Variants in DYM observed in about 807,000 individuals in gnomAD.
The protein encoded by DYM is dymeclin.
Under a neutral mutation model 93.1 loss-of-function variants are expected in DYM, and 78 were observed. The ratio of observed to expected loss-of-function variants is 0.84; its 90% CI spans 0.70 to 1.01. DYM has a LOEUF of 1.01. Ranked by LOEUF, DYM falls within the 50% of genes least tolerant of loss-of-function variation. The pLI is 0.00. For synonymous variants in DYM, 321 were observed against 319.7 expected (o/e 1.00, Z -0.04); for missense variants, 789 against 845.0 (o/e 0.93, Z 0.82).
At chr18:49,080,678 G>C (rs1192528086) in intron 17 of DYM, among the ~76,000 whole-genome samples, 2 of 147,046 alleles carry the variant, frequency 1.4e-5, no homozygotes, top group East Asian at 2.1e-4. Flanking sequence ...GGCGGCTGCC[G>C]GGCAGAGACG....
intron 15 of DYM, among the ~76,000 whole-genome samples, chr18:49,126,685 G>C (rs1419802154): frequency 6.6e-6 from 1 of 151,910 alleles, no homozygotes; most frequent in Non-Finnish European, 1.5e-5. Flanking sequence ...TTTAAATGAG[G>C]CAGCATTTGT....
At chr18:49,147,479 A>T (rs1374965562) in intron 15 of DYM, among the ~76,000 whole-genome samples, 6 of 152,200 alleles carry the variant, frequency 3.9e-5, no homozygotes, top group African/African-American at 1.2e-4. Flanking sequence ...GAATCTACAA[A>T]GAACTCAAAC....
chr18:49,391,552 A>G, intron 3 of DYM, 41 bp downstream of exon 3: 2 of 1,595,202 alleles, frequency 1.3e-6, no homozygotes, highest in Admixed American at 1.7e-5. Flanking sequence ...ATCTAAAACA[A>G]AATTTGAAAA....
intron 1 of DYM, among the ~76,000 whole-genome samples, chr18:49,448,177 T>C (rs1312430547): frequency 6.6e-6 from 1 of 152,188 alleles, no homozygotes; most frequent in African/African-American, 2.4e-5. Context: ...GGGTAAAATA[T>C]TCCTCCAAAG....
At chr18:49,237,651 A>G (rs532509902) in intron 13 of DYM, among the ~76,000 whole-genome samples, 2 of 152,330 alleles carry the variant, frequency 1.3e-5, no homozygotes, top group East Asian at 3.9e-4. Context: ...AATAAAGATC[A>G]CTGCCCCTTT....
intron 2 of DYM, among the ~76,000 whole-genome samples, chr18:49,429,320 T>C (rs747818131): frequency 6.6e-6 from 1 of 152,214 alleles, no homozygotes; most frequent in African/African-American, 2.4e-5. Flanking sequence ...CCATGTAATG[T>C]AACATATTCA....
At chr18:49,102,214 G>A (rs2080236117) in intron 16 of DYM, among the ~76,000 whole-genome samples, 1 of 152,148 alleles carries the variant, frequency 6.6e-6, no homozygotes, top group African/African-American at 2.4e-5. Context: ...CTTACCATGC[G>A]CAAAGCACTT....
intron 1 of DYM, among the ~76,000 whole-genome samples, chr18:49,454,829 A>G (rs1399612465): frequency 4.1e-5 from 6 of 147,546 alleles, no homozygotes; most frequent in Non-Finnish European, 4.4e-5. Context: ...AATGGCGTAG[A>G]CCCAGGAGGC....
At chr18:49,255,449 C>T (rs952784579) in intron 13 of DYM, among the ~76,000 whole-genome samples, 4 of 151,942 alleles carry the variant, frequency 2.6e-5, no homozygotes, top group Admixed American at 6.6e-5. Flanking sequence ...GCAAGGTGGG[C>T]GGATCATGAG....
chr18:49,432,528 C>G (rs1308268232), intron 1 of DYM, among the ~76,000 whole-genome samples: 1 of 147,722 alleles, frequency 6.8e-6, no homozygotes, highest in Non-Finnish European at 1.5e-5. Flanking sequence ...ATATGGTATG[C>G]TTTCATTTAT....
chr18:49,310,088 T>C lies in DYM; in HGVS notation c.763+21776A>G, dbSNP rs1012331282. On this transcript the variant is annotated intron_variant, in intron 8 of 17. Transcript: ENST00000675505. Reference sequence around the variant, plus strand: ...TTAAAAGAATTAGAAATTCACTATATTGGATATACTATGATTGTTTAAGAA... The same window carrying C: ...TTAAAAGAATTAGAAATTCACTATACTGGATATACTATGATTGTTTAAGAA... Among the ~76,000 whole-genome samples, 5 of 152,190 alleles carry C rather than the reference T, an allele frequency of 3.3e-5. No homozygotes were observed. In the South Asian group the frequency reaches 1.0e-3, roughly 31 times the overall value.
At chr18:49,442,985 G>T (rs143060047) in intron 1 of DYM, among the ~76,000 whole-genome samples, 1 of 151,560 alleles carries the variant, frequency 6.6e-6, no homozygotes, top group African/African-American at 2.4e-5. Flanking sequence ...AGCCTCCCTA[G>T]TAGCTGGGAC....
chr18:49,175,023 A>C (rs998744925), intron 14 of DYM, among the ~76,000 whole-genome samples: 2 of 152,206 alleles, frequency 1.3e-5, no homozygotes, highest in Non-Finnish European at 2.9e-5. Flanking sequence ...TAATAGAAAT[A>C]GTAACTTCCC....
intron 17 of DYM, among the ~76,000 whole-genome samples, chr18:49,080,828 G>A (rs865813370): frequency 3.3e-5 from 5 of 151,496 alleles, no homozygotes; most frequent in Non-Finnish European, 7.4e-5. Context: ...CTCAGACGGG[G>A]CGGCTGGGCA....
intron 8 of DYM, among the ~76,000 whole-genome samples, chr18:49,289,743 A>G (rs867835878): frequency 0.24 from 11,208 of 47,074 alleles, 840 homozygotes; most frequent in Non-Finnish European, 0.28. Context: ...ATATATATAT[A>G]TATATATATA....
chr18:49,459,734 C>G (rs546443275), intron 1 of DYM, among the ~76,000 whole-genome samples: 9 of 152,248 alleles, frequency 5.9e-5, no homozygotes, highest in Non-Finnish European at 1.0e-4. Context: ...ACAGCTTTAT[C>G]CAATCAGCTT....
At chr18:49,154,662 T>C (rs567561893) in intron 15 of DYM, among the ~76,000 whole-genome samples, 194 of 152,264 alleles carry the variant, frequency 1.3e-3, no homozygotes, top group African/African-American at 4.5e-3. Flanking sequence ...CCCAAAATGC[T>C]GGGATTACAG....
At chr18:49,138,978 G>A (rs532420118) in intron 15 of DYM, among the ~76,000 whole-genome samples, 1 of 152,256 alleles carries the variant, frequency 6.6e-6, no homozygotes, top group South Asian at 2.1e-4. Flanking sequence ...AGCAGTTATA[G>A]CCAATCTCTC....
chr18:49,100,009 C>T (rs980120349), intron 16 of DYM, among the ~76,000 whole-genome samples: 2 of 152,150 alleles, frequency 1.3e-5, no homozygotes, highest in Admixed American at 6.5e-5. Flanking sequence ...ACCAGGAACA[C>T]ATATACTACA....
Sources: allele counts gnomAD v4.1 joint callset (sites outside exome capture counted in the v4.1 genomes callset), GRCh38; gene constraint gnomAD v4.1.1; transcripts MANE v1.5; gene names NCBI Gene and HGNC (gene_info 2026-07-23, HGNC 2026-07-21).